The following DPP10 variants were observed in gnomAD, a reference collection of about 807,000 sequenced individuals.
DPP10 encodes inactive dipeptidyl peptidase 10.
DPP10 carries 33 observed loss-of-function variants against 120.9 expected under a neutral mutation model. The ratio of observed to expected loss-of-function variants is 0.27; its 90% confidence interval spans 0.21 to 0.37. The LOEUF (loss-of-function observed/expected upper bound fraction) is 0.37. Among genes scored for constraint, DPP10 ranks in the 10% least tolerant of loss-of-function variants. The probability of loss-of-function intolerance (pLI) is 1.00; values close to 1 mark genes in which losing one functional copy is unlikely to be tolerated. For synonymous variants in DPP10, 337 were observed against 326.1 expected (o/e 1.03, Z -0.36); for missense variants, 816 against 942.8 (o/e 0.87, Z 1.76).
chr2:114,608,423 A>T (rs945348097), intron 1 of DPP10, among the ~76,000 whole-genome samples: 3 of 152,324 alleles, frequency 2.0e-5, no homozygotes, highest in Middle Eastern at 6.8e-3. Context: ...CGGTGGTAAC[A>T]GCAAATAATT....
intron 1 of DPP10, among the ~76,000 whole-genome samples, chr2:114,615,572 A>G (rs1693613714): frequency 6.6e-6 from 1 of 152,164 alleles, no homozygotes; most frequent in Non-Finnish European, 1.5e-5. Flanking sequence ...AATACAGAGT[A>G]AAAGTACTGG....
At chr2:114,882,460 G>A (rs1691723753) in intron 1 of DPP10, among the ~76,000 whole-genome samples, 1 of 148,768 alleles carries the variant, frequency 6.7e-6, no homozygotes, top group African/African-American at 2.5e-5. Context: ...AAGCTATGGG[G>A]ATGTAAAGGC....
chr2:115,627,447 A>G (rs2085456606), intron 5 of DPP10, among the ~76,000 whole-genome samples: 1 of 152,190 alleles, frequency 6.6e-6, no homozygotes, highest in Admixed American at 6.5e-5. Context: ...AGCAAGATTT[A>G]TAGTGTCAAC....
intron 1 of DPP10, among the ~76,000 whole-genome samples, chr2:114,784,961 C>T (rs191077251): frequency 6.1e-4 from 93 of 152,294 alleles, no homozygotes; most frequent in African/African-American, 6.5e-4. Context: ...CTTAACTAAA[C>T]GTTTTTCAAG....
intron 1 of DPP10, among the ~76,000 whole-genome samples, chr2:114,444,492 A>G (rs963137709): frequency 1.3e-5 from 2 of 152,184 alleles, no homozygotes; most frequent in African/African-American, 2.4e-5. Context: ...TTGAGTAAGC[A>G]TAAATGACTA....
intron 1 of DPP10, among the ~76,000 whole-genome samples, chr2:114,836,518 A>G (rs1260087462): frequency 1.3e-5 from 2 of 152,190 alleles, no homozygotes; most frequent in African/African-American, 4.8e-5. Context: ...GTGGGTCACA[A>G]GAGATCACGT....
At chr2:115,818,812 A>G (rs1423392031) in intron 21 of DPP10, among the ~76,000 whole-genome samples, 1 of 152,182 alleles carries the variant, frequency 6.6e-6, no homozygotes, top group Non-Finnish European at 1.5e-5. Flanking sequence ...CCAAATCGTC[A>G]TTGTATACTT....
intron 1 of DPP10, among the ~76,000 whole-genome samples, chr2:115,194,229 TG>T (rs1419852338): frequency 6.6e-6 from 1 of 152,034 alleles, no homozygotes; most frequent in African/African-American, 2.4e-5. Flanking sequence ...AGGAGTTTGT[TG>T]TTTTTTTTTT....
chr2:115,766,910 C>A (rs1374565833), intron 12 of DPP10, among the ~76,000 whole-genome samples: 3 of 152,180 alleles, frequency 2.0e-5, no homozygotes, highest in Non-Finnish European at 4.4e-5. Context: ...GTGAAGGACT[C>A]ACCCCCGTGA....
chr2:115,134,762 C>A, intron 1 of DPP10, among the ~76,000 whole-genome samples: 1 of 152,154 alleles, frequency 6.6e-6, no homozygotes, highest in Middle Eastern at 3.4e-3. Context: ...GAAGGAAACA[C>A]CACAATGAAA....
At chr2:115,021,675 C>T (rs953345834) in intron 1 of DPP10, among the ~76,000 whole-genome samples, 1 of 151,962 alleles carries the variant, frequency 6.6e-6, no homozygotes, top group Non-Finnish European at 1.5e-5. Context: ...GCCAGTATCA[C>T]CCTAATACCT....
chr2:115,295,612 A>G (rs116060259), intron 1 of DPP10, among the ~76,000 whole-genome samples: 779 of 152,226 alleles, frequency 5.1e-3, no homozygotes, highest in African/African-American at 0.014. Flanking sequence ...TTAAATGCCT[A>G]TATGGTACTT....
chr2:114,502,014 C>G (rs1683234037), intron 1 of DPP10, among the ~76,000 whole-genome samples: 1 of 148,980 alleles, frequency 6.7e-6, no homozygotes, highest in Admixed American at 6.8e-5. Flanking sequence ...TGGCTCACTG[C>G]AACCTCTGCC....
At chr2:114,591,331 C>A (rs1410932982) in intron 1 of DPP10, among the ~76,000 whole-genome samples, 1 of 152,160 alleles carries the variant, frequency 6.6e-6, no homozygotes, top group Non-Finnish European at 1.5e-5. Context: ...GTATGGAGCA[C>A]AGACAGTAGT....
At chr2:115,520,601 T>C (rs1021930991) in intron 4 of DPP10, among the ~76,000 whole-genome samples, 1 of 152,176 alleles carries the variant, frequency 6.6e-6, no homozygotes, top group African/African-American at 2.4e-5. Flanking sequence ...ACATCCCTAC[T>C]ACACAGTTCC....
intron 19 of DPP10, 26 bp downstream of exon 19, chr2:115,791,382 TAAAGG>T: frequency 6.5e-7 from 1 of 1,541,662 alleles, no homozygotes; most frequent in African/African-American, 1.4e-5. Flanking sequence ...GTTTTTAAAA[TAAAGG>T]AATCTAAAGA....
chr2:114,835,129 A>G (rs867249924), intron 1 of DPP10: 1 of 149,738 alleles, frequency 6.7e-6, no homozygotes, highest in African/African-American at 2.5e-5. Flanking sequence ...TGTATATATA[A>G]GACATATCTA....
At chr2:114,467,833 TACAAA>T (rs142818701) in intron 1 of DPP10, among the ~76,000 whole-genome samples, 112 of 151,626 alleles carry the variant, frequency 7.4e-4, no homozygotes, top group African/African-American at 2.5e-3. Flanking sequence ...ACCCCATCTC[TACAAA>T]ACAAAACAAA....
chr2:115,378,835 T>C (rs931246837), intron 3 of DPP10, among the ~76,000 whole-genome samples: 4 of 152,188 alleles, frequency 2.6e-5, no homozygotes, highest in African/African-American at 9.7e-5. Context: ...TTTGGTTCTG[T>C]TTATATGCTG....
Sources: gnomAD v4.1 joint callset for allele counts (sites outside exome capture counted in the v4.1 genomes callset) on GRCh38, gnomAD v4.1.1 for gene constraint, MANE v1.5 for transcripts, NCBI Gene and HGNC (gene_info 2026-07-23, HGNC 2026-07-21) for gene names.